The following GRIA4 variants were observed in gnomAD, a reference collection of about 807,000 sequenced individuals.
The protein encoded by GRIA4 is glutamate receptor 4.
In GRIA4, 34 loss-of-function variants were observed where a neutral mutation model predicts 104.0. That is an observed-to-expected ratio of 0.33 (90% CI 0.25 to 0.44). GRIA4 has a LOEUF of 0.44. GRIA4 is among the 20% of genes least tolerant of loss of function. The probability of loss-of-function intolerance (pLI) is 1.00; values close to 1 mark genes in which losing one functional copy is unlikely to be tolerated. For synonymous variants in GRIA4, 386 were observed against 381.9 expected (o/e 1.01, Z -0.13); for missense variants, 750 against 1,096.5 (o/e 0.68, Z 4.46).
chr11:105,755,624 T>G (rs983752800), intron 4 of GRIA4, among the ~76,000 whole-genome samples: 2 of 152,180 alleles, frequency 1.3e-5, no homozygotes, highest in Non-Finnish European at 2.9e-5. Context: ...GATGCCTAGA[T>G]AGCTAGTAAA....
intron 4 of GRIA4, among the ~76,000 whole-genome samples, chr11:105,784,113 T>C (rs1941852409): frequency 6.6e-6 from 1 of 152,148 alleles, no homozygotes; most frequent in Non-Finnish European, 1.5e-5. Flanking sequence ...ACATGGTTGT[T>C]TTTGGAAGAT....
At chr11:105,733,647 G>A (rs1401791344) in intron 3 of GRIA4, among the ~76,000 whole-genome samples, 3 of 151,756 alleles carry the variant, frequency 2.0e-5, no homozygotes, top group African/African-American at 7.3e-5. Flanking sequence ...TAGTAGAGAC[G>A]GGGTTTCGCT....
intron 6 of GRIA4, among the ~76,000 whole-genome samples, chr11:105,895,870 T>C (rs574603305): frequency 6.6e-6 from 1 of 152,354 alleles, no homozygotes; most frequent in Admixed American, 6.5e-5. Context: ...TTGTGAATAC[T>C]GCTGCAATAA....
intron 14 of GRIA4, among the ~76,000 whole-genome samples, chr11:105,964,708 C>A (rs922369740): frequency 3.3e-5 from 5 of 151,618 alleles, no homozygotes; most frequent in African/African-American, 9.7e-5. Context: ...CTTGAAATAC[C>A]TATTGGGTCA....
chr11:105,660,394 T>C (rs1222701575), intron 3 of GRIA4, among the ~76,000 whole-genome samples: 1 of 151,664 alleles, frequency 6.6e-6, no homozygotes, highest in African/African-American at 2.4e-5. Flanking sequence ...ACATTACAGA[T>C]CTAGGGACAT....
chr11:105,860,868 A>G (rs1945195505), intron 4 of GRIA4, among the ~76,000 whole-genome samples: 1 of 151,610 alleles, frequency 6.6e-6, no homozygotes, highest in African/African-American at 2.4e-5. Context: ...CTGAGGCAGA[A>G]GAATTGCTTG....
Position 105,610,227 on chromosome 11 carries a change from G to T in GRIA4, c.-292G>T, listed in dbSNP as rs1343510844. 1 of 152,462 alleles carries T rather than the reference G, an allele frequency of 6.6e-6. No homozygotes were observed. The highest frequency in any genetic ancestry group is 1.9e-4 in the East Asian group (1 of 5,180). 9.4% of individuals were successfully genotyped at this position (152,462 alleles called of 1,614,324 possible). ...CCCCCGATTGGGGCTTGCAGACCTG[G>T]CCCGTGGGCGGATTTTCTGCCTAGC... On this transcript the variant is annotated 5_prime_UTR_variant, in exon 1 of 17. Coordinates refer to ENST00000282499, the MANE Select transcript of GRIA4 (RefSeq NM_000829.4).
intron 3 of GRIA4, among the ~76,000 whole-genome samples, chr11:105,713,315 G>A (rs1361136549): frequency 6.6e-6 from 1 of 151,964 alleles, no homozygotes; most frequent in African/African-American, 2.4e-5. Context: ...CTGAGAGGTG[G>A]AGGCTGCAGT....
In GRIA4 at chr11:105,862,082, C is replaced by T. The variant is rs374141904; in HGVS notation, c.546C>T (p.Ser182=). ...CAGGACAAAATGGTTGGCATGTCAG[C>T]GCTATATGTGTGGAAAATTTTAATG... ...EKAGQNGWHV[S]AICVENFNDV... is the part of the protein sequence containing the mutation. Residue 182 remains serine, a synonymous_variant, in exon 5 of 17, where the codon AGC becomes AGT. Coordinates refer to ENST00000282499, the MANE Select transcript of GRIA4 (RefSeq NM_000829.4). 1.4e-5 allele frequency: 23 copies of T among 1,610,418 alleles called. 1 individual carries two copies. Among genetic ancestry groups the T allele is most frequent in the South Asian group, 3.3e-5 (3 of 91,022 alleles).
At chr11:105,791,011 TGA>T (rs1942190972) in intron 4 of GRIA4, among the ~76,000 whole-genome samples, 1 of 152,188 alleles carries the variant, frequency 6.6e-6, no homozygotes, top group South Asian at 2.1e-4. Context: ...ATGGCCTCTC[TGA>T]GTGTGGCCCT....
At chr11:105,867,091 C>T (rs1426941170) in intron 5 of GRIA4, among the ~76,000 whole-genome samples, 1 of 152,084 alleles carries the variant, frequency 6.6e-6, no homozygotes, top group Non-Finnish European at 1.5e-5. Flanking sequence ...AGTGTCCCAT[C>T]AGACACAGTG....
chr11:105,920,885 C>A (rs1284011247), intron 11 of GRIA4, among the ~76,000 whole-genome samples: 1 of 152,096 alleles, frequency 6.6e-6, no homozygotes, highest in Admixed American at 6.6e-5. Flanking sequence ...TAGGTACTTT[C>A]CATTTTGGTG....
chr11:105,695,384 G>T (rs916634646), intron 3 of GRIA4, among the ~76,000 whole-genome samples: 2 of 152,034 alleles, frequency 1.3e-5, no homozygotes, highest in African/African-American at 4.8e-5. Flanking sequence ...TGGGCCTTCT[G>T]TCCTTGTCTT....
intron 5 of GRIA4, among the ~76,000 whole-genome samples, chr11:105,872,700 A>C (rs1945661786): frequency 6.6e-6 from 1 of 152,142 alleles, no homozygotes; most frequent in Non-Finnish European, 1.5e-5. Flanking sequence ...GATATGTCCA[A>C]TTAGAGACAT....
chr11:105,952,733 C>T (rs1268146695), intron 14 of GRIA4, among the ~76,000 whole-genome samples: 1 of 152,148 alleles, frequency 6.6e-6, no homozygotes. Context: ...ACATATATGT[C>T]ATCTAAAACC....
chr11:105,638,848 C>A (rs894551319), intron 3 of GRIA4, among the ~76,000 whole-genome samples: 12 of 152,050 alleles, frequency 7.9e-5, no homozygotes, highest in Non-Finnish European at 8.8e-5. Context: ...CTTGCTTTCC[C>A]AAGATAACAT....
chr11:105,634,799 C>T (rs554420104), intron 3 of GRIA4, among the ~76,000 whole-genome samples: 1 of 152,116 alleles, frequency 6.6e-6, no homozygotes. Flanking sequence ...GGGTTTGCTG[C>T]ATGATTTTGA....
intron 4 of GRIA4, among the ~76,000 whole-genome samples, chr11:105,854,803 C>G (rs1293731540): frequency 1.3e-5 from 2 of 152,130 alleles, no homozygotes; most frequent in Non-Finnish European, 2.9e-5. Flanking sequence ...TCATCGCTCT[C>G]TCTGCATGCT....
At chr11:105,698,697 T>C (rs909480253) in intron 3 of GRIA4, among the ~76,000 whole-genome samples, 6 of 152,212 alleles carry the variant, frequency 3.9e-5, no homozygotes, top group African/African-American at 1.4e-4. Flanking sequence ...CATAGCACTT[T>C]GTCTTCCACT....
Sources: allele counts gnomAD v4.1 joint callset (sites outside exome capture counted in the v4.1 genomes callset), GRCh38; gene constraint gnomAD v4.1.1; transcripts MANE v1.5; gene names NCBI Gene and HGNC (gene_info 2026-07-23, HGNC 2026-07-21).